Variants in ASAH1 observed in about 807,000 individuals in gnomAD.
The protein encoded by ASAH1 is N-acylsphingosine amidohydrolase 1, also known as acid ceramidase.
A neutral mutation model predicts 59.5 loss-of-function variants in ASAH1; 70 were observed. The ratio of observed to expected loss-of-function variants is 1.18; its 90% confidence interval spans 0.97 to 1.43. The LOEUF (loss-of-function observed/expected upper bound fraction) is 1.43, where lower values mean the gene tolerates loss of function less well. Among genes scored for constraint, ASAH1 ranks in the 40% most tolerant of loss-of-function variants. The pLI is 0.00. For synonymous variants in ASAH1, 213 were observed against 166.5 expected (o/e 1.28, Z -2.15); for missense variants, 660 against 482.5 (o/e 1.37, Z -3.45).
chr8:18,084,198 G>C, upstream of ASAH1: 2 of 1,523,840 alleles, frequency 1.3e-6, no homozygotes, highest in Non-Finnish European at 1.8e-6. Context: ...GGGAACGCTC[G>C]GAGGAGGCGG....
chr8:18,059,484 T>C lies in ASAH1; in HGVS notation c.918-20A>G, dbSNP rs748797618. 10 of 1,614,072 alleles carry C rather than the reference T, an allele frequency of 6.2e-6. No homozygotes were observed. The South Asian group carries it at 6.6e-5, about 11-fold the overall frequency. ...TCGAGTCTAGATACAAAAGGAGAGA[T>C]TCCCTCTTAGGCTACATGCCTTAAA... On this transcript the variant is annotated intron_variant, in intron 11 of 13. Transcript: ENST00000637790.
At chr8:18,067,340 C>A (rs12675283) in intron 4 of ASAH1, 42 bp from the exon 5 acceptor site, 1 of 1,189,160 alleles carries the variant, frequency 8.4e-7, no homozygotes, top group Non-Finnish European at 1.1e-6. Context: ...AACATAATAA[C>A]AATAAAAAAT....
chr8:18,062,386 G>C lies in ASAH1; in HGVS notation c.541C>G (p.Gln181Glu). 6.2e-7 allele frequency: 1 copy of C among 1,614,078 alleles called. No homozygotes were observed. The highest frequency in any genetic ancestry group is 8.5e-7 in the Non-Finnish European group (1 of 1,179,986). Residue 181 changes from glutamine to glutamate, a missense_variant, in exon 8 of 14, where the codon CAA becomes GAA. Physicochemically the swap from Gln to Glu is conservative, Grantham distance 29. Coordinates refer to ENST00000637790, the MANE Select transcript of ASAH1 (RefSeq NM_177924.5). ...AAATTCACTGTTAAAGGTTTTAGTT[G>C]CTCAGTTATGACCCAGGTATCATTA... is the stretch of plus-strand genomic sequence containing the variant. ...INNDTWVITE[Q>E]LKPLTVNLDF...
chr8:18,061,583 C>G lies in ASAH1; in HGVS notation c.703+103G>C, dbSNP rs375717069. 14 of 1,461,072 alleles carry G rather than the reference C, an allele frequency of 9.6e-6. No individual in the cohort carries two copies. The East Asian group carries it at 2.8e-4, about 29-fold the overall frequency. 90.5% of individuals were successfully genotyped at this position (1,461,072 alleles called of 1,614,324 possible). A position where few individuals can be genotyped will look rare whatever the true frequency, so the allele number is the denominator to read the frequency against. ...GAAGAGGTTAGACTTTGTAACCAGTCGGGAACCGGAAGAGGTTGGACTTTG... is the reference window on the plus strand; with the variant it reads ...GAAGAGGTTAGACTTTGTAACCAGTGGGGAACCGGAAGAGGTTGGACTTTG... On this transcript the variant is annotated intron_variant, in intron 9 of 13. Transcript: ENST00000637790.
intron 4 of ASAH1, among the ~76,000 whole-genome samples, chr8:18,069,268 C>T (rs957168801): frequency 6.6e-6 from 1 of 151,840 alleles, no homozygotes; most frequent in Admixed American, 6.6e-5. Context: ...ATTGGTTCTG[C>T]GTCAACAAAA....
chr8:18,083,097 C>A (rs1170828347), intron 1 of ASAH1: 2 of 152,224 alleles, frequency 1.3e-5, no homozygotes, highest in African/African-American at 4.8e-5. Flanking sequence ...CAATGCACAT[C>A]TTGCTTCCAC....
intron 7 of ASAH1, 152 bp from the exon 8 acceptor site, chr8:18,062,575 T>C: frequency 2.4e-6 from 2 of 839,584 alleles, no homozygotes; most frequent in Non-Finnish European, 3.8e-6. Flanking sequence ...ATATTTATTC[T>C]GTTTTCCAAA....
chr8:18,059,782 C>CT, intron 10 of ASAH1, 79 bp from the exon 11 acceptor site: 6 of 1,408,454 alleles, frequency 4.3e-6, no homozygotes, highest in Non-Finnish European at 5.8e-6. Flanking sequence ...TTAAATTTTA[C>CT]TTTAAGTTCT....
intron 4 of ASAH1, 46 bp downstream of exon 4, chr8:18,069,746 A>G (rs373697847): frequency 2.2e-6 from 3 of 1,388,602 alleles, no homozygotes; most frequent in South Asian, 1.2e-5. Flanking sequence ...ATAACAGCGC[A>G]TTTTCTATGT....
At chr8:18,080,092 G>A (rs1026109832) in intron 1 of ASAH1, among the ~76,000 whole-genome samples, 5 of 152,168 alleles carry the variant, frequency 3.3e-5, no homozygotes, top group African/African-American at 1.2e-4. Context: ...TCCCTCTTTG[G>A]GAGAAGTAGG....
At chr8:18,069,600 A>G in intron 4 of ASAH1, 192 bp downstream of exon 4, 1 of 535,512 alleles carries the variant, frequency 1.9e-6, no homozygotes. Context: ...TTACGAAACC[A>G]TAATTTGCTA....
intron 5 of ASAH1, 77 bp downstream of exon 5, chr8:18,067,143 A>AAATCTAAGACATACAGCACCTGTGC: frequency 4.5e-6 from 6 of 1,321,240 alleles, no homozygotes; most frequent in Non-Finnish European, 5.3e-6. Flanking sequence ...CCTGTGCTGT[A>AAATCTAAGACATACAGCACCTGTGC]TGTATATCAC....
chr8:18,084,694 G>A (rs754686880), upstream of ASAH1: 1 of 1,612,870 alleles, frequency 6.2e-7, no homozygotes, highest in East Asian at 2.2e-5. Flanking sequence ...TCACAGCAAA[G>A]CTGCCAAATC....
rs772630867 is a variant in ASAH1, at chr8:18,059,323, A to G, written c.1041+18T>C. 57 of 1,614,058 alleles carry G rather than the reference A, an allele frequency of 3.5e-5. No individual in the cohort carries two copies. The highest frequency in any genetic ancestry group is 4.7e-5 in the Non-Finnish European group (55 of 1,180,052). ...TAATGGCAACAGTTTCTTTCTATAGATGACCCTGCAAAGGTACCTCTTGGC... is the reference window on the plus strand; with the variant it reads ...TAATGGCAACAGTTTCTTTCTATAGGTGACCCTGCAAAGGTACCTCTTGGC... On this transcript the variant is annotated intron_variant, in intron 12 of 13. Coordinates refer to ENST00000637790, the MANE Select transcript of ASAH1 (RefSeq NM_177924.5).
chr8:18,064,430 GCCCACCC>G lies in ASAH1; in HGVS notation c.457+20_457+26del. 2.3e-4 allele frequency: 343 copies of G among 1,484,316 alleles called. No individual in the cohort carries two copies. The highest frequency in any genetic ancestry group is 2.9e-4 in the Non-Finnish European group (312 of 1,065,576). The allele number at this position is 1,484,316 out of a possible 1,614,324, so 91.9% of individuals were successfully genotyped here. A position where few individuals can be genotyped will look rare whatever the true frequency, so the allele number is the denominator to read the frequency against. ...TTTTCTTTATGTAGTGCTTCATGCTGCCCACCCTCCCTCAGCGCACAATTACCTTTTT... is the reference window on the plus strand; with the variant it reads ...TTTTCTTTATGTAGTGCTTCATGCTGTCCCTCAGCGCACAATTACCTTTTT... On this transcript the variant is annotated intron_variant, in intron 6 of 13. Transcript: ENST00000637790.
intron 4 of ASAH1, chr8:18,067,503 A>AAT (rs1389752434): frequency 8.5e-6 from 2 of 234,188 alleles, no homozygotes; most frequent in Non-Finnish European, 1.6e-5. Context: ...GATTCTATGT[A>AAT]ATACTGAATA....
intron 10 of ASAH1, 99 bp downstream of exon 10, chr8:18,061,278 T>C: frequency 9.3e-7 from 1 of 1,070,498 alleles, no homozygotes; most frequent in Non-Finnish European, 1.4e-6. Flanking sequence ...TCTGCAATAG[T>C]TCCTCAAAGG....
At chr8:18,076,009 C>G (rs1800388198) in intron 1 of ASAH1, 1 of 299,526 alleles carries the variant, frequency 3.3e-6, no homozygotes, top group South Asian at 3.1e-5. Context: ...TTTCAGGGCA[C>G]ACAGCACAGG....
chr8:18,064,566 A>C, intron 5 of ASAH1, 35 bp from the exon 6 acceptor site: 1 of 1,199,590 alleles, frequency 8.3e-7, no homozygotes, highest in Non-Finnish European at 1.2e-6. Context: ...TAATATACAG[A>C]ACCATGACAA....
Sources: allele counts gnomAD v4.1 joint callset (sites outside exome capture counted in the v4.1 genomes callset), GRCh38; gene constraint gnomAD v4.1.1; transcripts MANE v1.5; gene names NCBI Gene and HGNC (gene_info 2026-07-23, HGNC 2026-07-21).